The following COLEC10 variants were observed in gnomAD, a reference collection of about 807,000 sequenced individuals.
COLEC10 encodes collectin-10.
In COLEC10, 22 loss-of-function variants were observed where a neutral mutation model predicts 28.4. That is an observed-to-expected ratio of 0.78 (90% CI 0.55 to 1.11). COLEC10 has a LOEUF of 1.11. Among genes scored for constraint, COLEC10 ranks in the 50% least tolerant of loss-of-function variants. The pLI is 0.00. For synonymous variants in COLEC10, 125 were observed against 116.1 expected (o/e 1.08, Z -0.49); for missense variants, 361 against 344.1 (o/e 1.05, Z -0.39).
upstream of COLEC10, among the ~76,000 whole-genome samples, chr8:119,064,542 A>G (rs949288253): frequency 6.6e-6 from 1 of 152,244 alleles, no homozygotes; most frequent in African/African-American, 2.4e-5. Context: ...AACTCATTTT[A>G]CATGCCTAGT....
the COLEC10 span, among the ~76,000 whole-genome samples, chr8:118,985,012 T>C: frequency 1.3e-5 from 2 of 152,070 alleles, no homozygotes; most frequent in Admixed American, 6.6e-5. Context: ...TCAATCATTT[T>C]CCAAGGAGTC....
At chr8:118,999,354 G>A (rs1251071530) in intron 1 of COLEC10, among the ~76,000 whole-genome samples, 1 of 152,076 alleles carries the variant, frequency 6.6e-6, no homozygotes, top group East Asian at 1.9e-4. Context: ...ACTTTGGGAG[G>A]CTGAGGTGGA....
At position 119,105,942 on chromosome 8, in the gene COLEC10, C is replaced by A. The variant is rs745764220; in HGVS notation, c.585C>A (p.Ile195=). Residue 195 remains isoleucine, a synonymous_variant, in exon 6 of 6, where the codon ATC becomes ATA. Coordinates refer to ENST00000332843, the MANE Select transcript of COLEC10 (RefSeq NM_006438.5). ...AGGATGAAGCTGCCAACACACTCAT[C>A]GCTGACTATGTTGCCAAGAGTGGCT... The part of the protein sequence containing the change: ...MPKDEAANTL[I]ADYVAKSGFF... The A allele has an allele frequency of 6.2e-7, 1 of 1,613,872 alleles. No individual in the cohort carries two copies. The highest frequency in any genetic ancestry group is 1.7e-5 in the Admixed American group (1 of 59,948).
At chr8:119,080,146 G>A (rs1490417664) in intron 1 of COLEC10, among the ~76,000 whole-genome samples, 1 of 152,120 alleles carries the variant, frequency 6.6e-6, no homozygotes, top group Admixed American at 6.6e-5. Flanking sequence ...GCCTTGCTTT[G>A]TTGGATGCCA....
intron 1 of COLEC10, among the ~76,000 whole-genome samples, chr8:119,085,599 C>CTTCTTTTTTTTTTTTTTTTTTTTT (rs1563739053): frequency 6.3e-5 from 4 of 63,554 alleles, no homozygotes; most frequent in Non-Finnish European, 1.0e-4. Flanking sequence ...TCTTCTTCTT[C>CTTCTTTTTTTTTTTTTTTTTTTTT]TTTTTTTTTT....
intron 2 of COLEC10, among the ~76,000 whole-genome samples, chr8:119,053,501 T>G (rs1267646456): frequency 6.6e-6 from 1 of 152,056 alleles, no homozygotes; most frequent in Non-Finnish European, 1.5e-5. Flanking sequence ...AGGATTGCAT[T>G]TGAGTTAGTG....
chr8:119,025,954 G>A (rs1443149500), intron 2 of COLEC10, among the ~76,000 whole-genome samples: 1 of 152,112 alleles, frequency 6.6e-6, no homozygotes, highest in East Asian at 1.9e-4. Context: ...GATTGCTCAT[G>A]TCTTCCTATC....
chr8:119,102,629 A>G (rs369063170), intron 4 of COLEC10: 5 of 431,108 alleles, frequency 1.2e-5, no homozygotes, highest in East Asian at 7.8e-5. Context: ...CATGCTTACT[A>G]TGAGAAGAAA....
the COLEC10 span, among the ~76,000 whole-genome samples, chr8:118,958,331 CT>C: frequency 6.6e-6 from 1 of 152,208 alleles, no homozygotes; most frequent in Non-Finnish European, 1.5e-5. Context: ...AAGACGTTGT[CT>C]GTGCTTTAGG....
intron 1 of COLEC10, among the ~76,000 whole-genome samples, chr8:119,079,117 T>C (rs897127029): frequency 6.6e-6 from 1 of 152,082 alleles, no homozygotes; most frequent in African/African-American, 2.4e-5. Flanking sequence ...GTCCTCTTCC[T>C]TGTACCTCTT....
At position 119,102,380 on chromosome 8, in the gene COLEC10, C is replaced by A. The variant is rs1161127619; in HGVS notation, c.325C>A (p.Pro109Thr). ...DKGEKGLLGI[P>T]GEKGKAGTVC... ...AGGGGAAAAAGGTTTGCTTGGAATA[C>A]CTGGAGAAAAAGGCAAAGCAGGTAC... Residue 109 changes from proline (P) to threonine (T), a missense_variant, in exon 4 of 6, where the codon CCT becomes ACT. Transcript: ENST00000332843. 6.2e-7 allele frequency: 1 copy of A among 1,608,910 alleles called. No individual in the cohort carries two copies. The highest frequency in any genetic ancestry group is 8.5e-7 in the Non-Finnish European group (1 of 1,177,486).
the COLEC10 span, among the ~76,000 whole-genome samples, chr8:118,989,568 C>G: frequency 1.4e-5 from 2 of 140,784 alleles, no homozygotes; most frequent in Non-Finnish European, 3.1e-5. Flanking sequence ...CACACACACA[C>G]ACACACACAC....
chr8:119,101,037 A>C (rs759224922), intron 3 of COLEC10, among the ~76,000 whole-genome samples: 1 of 152,178 alleles, frequency 6.6e-6, no homozygotes, highest in Non-Finnish European at 1.5e-5. Flanking sequence ...TGATGAGAAA[A>C]GCCAATGGGT....
intron 1 of COLEC10, among the ~76,000 whole-genome samples, chr8:119,079,406 G>A (rs1815324276): frequency 6.6e-6 from 1 of 152,146 alleles, no homozygotes; most frequent in African/African-American, 2.4e-5. Context: ...TTTGATCCCA[G>A]ATCCTATGCT....
chr8:118,982,002 T>A, the COLEC10 span, among the ~76,000 whole-genome samples: 2 of 151,958 alleles, frequency 1.3e-5, no homozygotes, highest in Admixed American at 6.6e-5. Flanking sequence ...CCTACTTTTT[T>A]TTTTTGACTT....
Position 119,045,156 on chromosome 8 carries a change from G to A in COLEC10, n.235+35603G>A, listed in dbSNP as rs185820540. On this transcript the variant is annotated intron_variant and non_coding_transcript_variant, in intron 2 of 6. Coordinates refer to the COLEC10 transcript ENST00000521788. Reference sequence around the variant, plus strand: ...TCAGAAGGGATGAGAAATAAGTAACGTAAAGAATTATCTCCTCCTGGGATT... The same window carrying A: ...TCAGAAGGGATGAGAAATAAGTAACATAAAGAATTATCTCCTCCTGGGATT... Among the ~76,000 whole-genome samples, 142 of 152,246 alleles carry A rather than the reference G, an allele frequency of 9.3e-4. 1 individual carries two copies. The highest frequency in any genetic ancestry group is 3.4e-3 in the Middle Eastern group (1 of 294).
At chr8:119,011,841 C>T (rs1379290175) in intron 2 of COLEC10, among the ~76,000 whole-genome samples, 1 of 150,922 alleles carries the variant, frequency 6.6e-6, no homozygotes, top group East Asian at 1.9e-4. Flanking sequence ...TCATTAGTTT[C>T]TGAAGTGTTA....
At chr8:119,036,706 A>G (rs1011499511) in intron 2 of COLEC10, among the ~76,000 whole-genome samples, 10 of 152,176 alleles carry the variant, frequency 6.6e-5, no homozygotes, top group Admixed American at 5.2e-4. Flanking sequence ...CAGAAGATAC[A>G]CTCAAATTAA....
chr8:118,970,601 A>T, the COLEC10 span, among the ~76,000 whole-genome samples: 2 of 151,566 alleles, frequency 1.3e-5, no homozygotes, highest in Non-Finnish European at 2.9e-5. Context: ...GAATCTCAAT[A>T]TATGTTTATG....
Sources: gnomAD v4.1 joint callset for allele counts (sites outside exome capture counted in the v4.1 genomes callset) on GRCh38, gnomAD v4.1.1 for gene constraint, MANE v1.5 for transcripts, NCBI Gene and HGNC (gene_info 2026-07-23, HGNC 2026-07-21) for gene names.